ERMARD: variants seen among roughly 807,000 people sequenced by gnomAD.
The protein encoded by ERMARD is ER membrane associated RNA degradation, also known as endoplasmic reticulum membrane-associated RNA degradation protein.
Under a neutral mutation model 83.9 loss-of-function variants are expected in ERMARD, and 71 were observed. That is an observed-to-expected ratio of 0.85 (90% CI 0.70 to 1.03). The LOEUF is 1.03. ERMARD is among the 50% of genes least tolerant of loss of function. ERMARD has a pLI of 0.00. For synonymous variants in ERMARD, 284 were observed against 298.6 expected (o/e 0.95, Z 0.50); for missense variants, 838 against 810.9 (o/e 1.03, Z -0.41).
Position 169,759,908 on chromosome 6 carries a change from A to G in ERMARD, c.676A>G (p.Lys226Glu), listed in dbSNP as rs1791313659. The G allele has an allele frequency of 6.2e-7, 1 of 1,614,106 alleles. No individual in the cohort carries two copies. Among genetic ancestry groups the G allele is most frequent in the Non-Finnish European group, 8.5e-7 (1 of 1,180,046 alleles). ...ACTGAAGAGTTACCTTCAAAACACT[A>G]AACTTACATTGGCACATCGCTCTTT... ...QLLKSYLQNTKLTLAHRSFIS... is the reference protein window; with the variant it reads ...QLLKSYLQNTELTLAHRSFIS... The change falls in exon 7 of 18, where the codon AAA becomes GAA. Residue 226 changes from lysine to glutamate, a missense_variant. Physicochemically the swap from Lys to Glu is moderately conservative, Grantham distance 56. Transcript: ENST00000366773.
In ERMARD at chr6:169,769,717, A is replaced by G. The variant is rs1792667542; in HGVS notation, c.1233+4A>G. 2 of 1,584,596 alleles carry G rather than the reference A, an allele frequency of 1.3e-6. No homozygotes were observed. Among genetic ancestry groups the G allele is most frequent in the South Asian group, 1.2e-5 (1 of 85,298 alleles). ...CTGTCTGCTATCAGTTTTTAAGGTAATTTATAGGGAAGAAAATCATTAATT... is the reference window on the plus strand; with the variant it reads ...CTGTCTGCTATCAGTTTTTAAGGTAGTTTATAGGGAAGAAAATCATTAATT... On this transcript the variant is annotated splice_donor_region_variant and intron_variant, in intron 12 of 17. Transcript: ENST00000366773.
chr6:169,776,640 G>T lies in ERMARD; in HGVS notation c.1706G>T (p.Arg569Leu), dbSNP rs774361460. Residue 569 changes from arginine (R) to leucine (L), a missense_variant, in exon 16 of 18, where the codon CGC becomes CTC. Coordinates refer to ENST00000366773, the MANE Select transcript of ERMARD (RefSeq NM_018341.3). ...TGGGTGGAAAGGACGCTGCGGTCTC[G>T]CCAGCGGCAGAACTACCTGCGTATG... The part of the protein sequence containing the change: ...RQWVERTLRS[R>L]QRQNYLRMWS... 5 of 1,614,084 alleles carry T rather than the reference G, an allele frequency of 3.1e-6. No homozygotes were observed. Among genetic ancestry groups the T allele is most frequent in the Non-Finnish European group, 4.2e-6 (5 of 1,180,040 alleles).
Position 169,762,489 on chromosome 6 carries a change from T to C in ERMARD, c.918T>C (p.Phe306=), listed in dbSNP as rs1333986094. ...TQLETGLRNV[F]ATLNRCPKRL... ...TGGAGACTGGACTTAGGAATGTTTT[T>C]GCCACACTTAACAGATGTCCAAAAA... The change falls in exon 9 of 18, where the codon TTT becomes TTC. Residue 306 remains phenylalanine (F), a synonymous_variant. Coordinates refer to ENST00000366773, the MANE Select transcript of ERMARD (RefSeq NM_018341.3). The C allele has an allele frequency of 3.7e-6, 6 of 1,614,118 alleles. No individual in the cohort carries two copies. Among genetic ancestry groups the C allele is most frequent in the Non-Finnish European group, 5.1e-6 (6 of 1,180,044 alleles).
At chr6:169,765,872 CTG>C (rs1420634314) in intron 9 of ERMARD, among the ~76,000 whole-genome samples, 1 of 100,240 alleles carries the variant, frequency 1.0e-5, no homozygotes, top group Non-Finnish European at 2.0e-5. Flanking sequence ...TCAAATCTCA[CTG>C]AAGTGATTTC....
rs200459300 is a variant in ERMARD at position 169,760,646 on chromosome 6, T to C, written c.747T>C (p.Val249=). The change falls in exon 8 of 18, where the codon GTT becomes GTC. Residue 249 remains valine (V), a synonymous_variant. Transcript: ENST00000366773. ...AAACCGTGTGTTATTTTACAGATGT[T>C]ACTTATGAGGTGCTTTCAGTATTAG... ...NLEDLIVFPD[V]TYEVLSVLEE... The C allele has an allele frequency of 3.1e-6, 5 of 1,588,254 alleles. No individual in the cohort carries two copies. Among genetic ancestry groups the C allele is most frequent in the Admixed American group, 1.7e-5 (1 of 59,654 alleles).
chr6:169,755,288 G>A lies in ERMARD; in HGVS notation c.181G>A (p.Gly61Ser). The change falls in exon 3 of 18, where the codon GGT becomes AGT. Residue 61 changes from glycine (G) to serine (S), a missense_variant. Physicochemically the swap from Gly to Ser is moderately conservative, Grantham distance 56. Coordinates refer to ENST00000366773, the MANE Select transcript of ERMARD (RefSeq NM_018341.3). ...DCVSYTESEQGLDYWGSVRLL... is the reference protein window; with the variant it reads ...DCVSYTESEQSLDYWGSVRLL... ...TTGTTTTCTTATCCTTTAAGAGCAGGGTCTGGATTACTGGGGAAGCGTGAG... is the reference window on the plus strand; with the variant it reads ...TTGTTTTCTTATCCTTTAAGAGCAGAGTCTGGATTACTGGGGAAGCGTGAG... The A allele has an allele frequency of 1.2e-6, 2 of 1,613,830 alleles. No homozygotes were observed. Among genetic ancestry groups the A allele is most frequent in the Non-Finnish European group, 1.7e-6 (2 of 1,179,910 alleles).
intron 12 of ERMARD, 114 bp downstream of exon 12, chr6:169,769,827 A>C: frequency 1.0e-6 from 1 of 963,140 alleles, no homozygotes; most frequent in Non-Finnish European, 1.5e-6. Context: ...TCTGAGTTAC[A>C]GTATCCTCCA....
chr6:169,755,455 G>C (rs1412397415), intron 3 of ERMARD, 33 bp downstream of exon 3: 2 of 1,612,510 alleles, frequency 1.2e-6, no homozygotes, highest in East Asian at 2.2e-5. Context: ...AGAAATAAAA[G>C]ACTGTGCGAA....
At chr6:169,779,498 G>GT (rs1253064556) in intron 17 of ERMARD, among the ~76,000 whole-genome samples, 1 of 145,178 alleles carries the variant, frequency 6.9e-6, no homozygotes, top group Non-Finnish European at 1.5e-5. Flanking sequence ...GTTTTGTTTT[G>GT]TTTTGTTTTT....
At chr6:169,781,286 A>AT in intron 17 of ERMARD, 44 bp from the exon 18 acceptor site, 1 of 1,512,300 alleles carries the variant, frequency 6.6e-7, no homozygotes, top group Non-Finnish European at 8.8e-7. Flanking sequence ...TCATTGTTTC[A>AT]TTTTATAATG....
At chr6:169,778,865 G>T (rs1437376730) in intron 16 of ERMARD, among the ~76,000 whole-genome samples, 1 of 152,238 alleles carries the variant, frequency 6.6e-6, no homozygotes, top group Non-Finnish European at 1.5e-5. Context: ...GCTGCTGGGC[G>T]CAGACTGTAC....
At chr6:169,773,204 G>T in intron 12 of ERMARD, 115 bp from the exon 13 acceptor site, 1 of 815,330 alleles carries the variant, frequency 1.2e-6, no homozygotes, top group African/African-American at 1.7e-5. Flanking sequence ...TAGCTGCATA[G>T]AATTATTTGA....
Position 169,781,499 on chromosome 6 carries a change from A to G in ERMARD, c.2023A>G (p.Lys675Glu). 1.3e-6 allele frequency: 2 copies of G among 1,597,008 alleles called. No individual in the cohort carries two copies. Among genetic ancestry groups the G allele is most frequent in the Non-Finnish European group, 1.7e-6 (2 of 1,173,040 alleles). The change falls in exon 18 of 18, where the codon AAA (lysine) becomes GAA (glutamate). Residue 675 changes from lysine (K) to glutamate (E), a missense_variant. Physicochemically the swap from Lys to Glu is moderately conservative, Grantham distance 56. Coordinates refer to ENST00000366773, the MANE Select transcript of ERMARD (RefSeq NM_018341.3). ...ACATTTAGCCAAGAAATCCACAAGT[A>G]AAGTACTCTTATGAAAACTTGTAAG... ...LIHLAKKSTS[K>E]VLL
Position 169,759,063 on chromosome 6 carries a change from A to C in ERMARD, c.603A>C (p.Pro201=). The change falls in exon 6 of 18, where the codon CCA becomes CCC. Residue 201 remains proline, a splice_region_variant and synonymous_variant. Coordinates refer to ENST00000366773, the MANE Select transcript of ERMARD (RefSeq NM_018341.3). ...HGFASPEEIP[P]KYCSMMILLT... ...TTGCGTCACCTGAAGAAATTCCTCCAAAGTAAGTTGCAAGTGAAGACATTT... is the reference window on the plus strand; with the variant it reads ...TTGCGTCACCTGAAGAAATTCCTCCCAAGTAAGTTGCAAGTGAAGACATTT... The C allele has an allele frequency of 6.2e-7, 1 of 1,613,218 alleles. No homozygotes were observed. The highest frequency in any genetic ancestry group is 8.5e-7 in the Non-Finnish European group (1 of 1,179,568).
Position 169,775,293 on chromosome 6 carries a change from C to G in ERMARD, c.1341C>G (p.Ile447Met). The change falls in exon 14 of 18, where the codon ATC becomes ATG. Residue 447 changes from isoleucine (I) to methionine (M), a missense_variant. By Grantham distance (10) the Ile-to-Met change is conservative. Transcript: ENST00000366773. ...KKQVLSCEES[I>M]RVWALLPFPE... ...AGGTGCTGAGCTGTGAGGAGAGCAT[C>G]AGGGTTTGGGCTCTGCTGCCTTTCC... 6.2e-7 allele frequency: 1 copy of G among 1,614,180 alleles called. No individual in the cohort carries two copies. Among genetic ancestry groups the G allele is most frequent in the Non-Finnish European group, 8.5e-7 (1 of 1,180,032 alleles).
At chr6:169,770,335 GTATGT>G (rs1278072386) in intron 12 of ERMARD, 10 of 152,248 alleles carry the variant, frequency 6.6e-5, no homozygotes, top group Admixed American at 4.6e-4. Context: ...TCATAGGAAG[GTATGT>G]TATGTTTTAT....
Position 169,756,369 on chromosome 6 carries a change from G to A in ERMARD, c.347G>A (p.Ser116Asn). 1 of 1,611,230 alleles carries A rather than the reference G, an allele frequency of 6.2e-7. No homozygotes were observed. Among genetic ancestry groups the A allele is most frequent in the Non-Finnish European group, 8.5e-7 (1 of 1,178,834 alleles). Residue 116 changes from serine to asparagine, a missense_variant, in exon 4 of 18, where the codon AGT becomes AAT. Physicochemically the swap from Ser to Asn is conservative, Grantham distance 46 (BLOSUM62 1). Transcript: ENST00000366773. Reference sequence around the variant, plus strand: ...CCTGAAATATTTGATGCCTTGGAAAGTCTACAATCTCCTGCTATTTCTCTT... The same window carrying A: ...CCTGAAATATTTGATGCCTTGGAAAATCTACAATCTCCTGCTATTTCTCTT... ...LFPEIFDALE[S>N]LQSPAISLSL... is the part of the protein sequence containing the mutation.
chr6:169,765,640 C>G (rs111886767), intron 9 of ERMARD, among the ~76,000 whole-genome samples: 2,534 of 152,204 alleles, frequency 0.017, 72 homozygotes, highest in African/African-American at 0.057. Context: ...ATACAGATTT[C>G]AGAGCTAAAG....
At chr6:169,760,900 C>T in intron 8 of ERMARD, 144 bp downstream of exon 8, 1 of 516,416 alleles carries the variant, frequency 1.9e-6, no homozygotes, top group Non-Finnish European at 3.5e-6. Flanking sequence ...AATAAAACAC[C>T]TTCATAGAGT....
Sources: gnomAD v4.1 joint callset for allele counts (sites outside exome capture counted in the v4.1 genomes callset) on GRCh38, gnomAD v4.1.1 for gene constraint, MANE v1.5 for transcripts, NCBI Gene and HGNC (gene_info 2026-07-23, HGNC 2026-07-21) for gene names.